SLC44A1: variants seen among roughly 807,000 people sequenced by gnomAD.
SLC44A1 encodes choline transporter-like protein 1.
In SLC44A1, 26 loss-of-function variants were observed where a neutral mutation model predicts 79.3. That is an observed-to-expected ratio of 0.33 (90% CI 0.24 to 0.46). The LOEUF (loss-of-function observed/expected upper bound fraction) is 0.46, where lower values mean the gene tolerates loss of function less well. Ranked by LOEUF, SLC44A1 falls within the 20% of genes least tolerant of loss-of-function variation. The pLI is 1.00. For synonymous variants in SLC44A1, 263 were observed against 286.2 expected (o/e 0.92, Z 0.82); for missense variants, 688 against 798.1 (o/e 0.86, Z 1.66).
At chr9:105,384,745 G>C (rs1828577626) in intron 14 of SLC44A1, among the ~76,000 whole-genome samples, 1 of 152,220 alleles carries the variant, frequency 6.6e-6, no homozygotes, top group Non-Finnish European at 1.5e-5. Context: ...CCACCCTTCA[G>C]TTTTCTCTGT....
intron 1 of SLC44A1, among the ~76,000 whole-genome samples, chr9:105,273,544 A>G (rs1395072335): frequency 6.6e-6 from 1 of 152,206 alleles, no homozygotes; most frequent in Non-Finnish European, 1.5e-5. Context: ...TAAACTCAGG[A>G]TGCTGGGCTC....
At chr9:105,258,877 T>TG (rs1371418607) in intron 1 of SLC44A1, among the ~76,000 whole-genome samples, 4 of 151,848 alleles carry the variant, frequency 2.6e-5, no homozygotes, top group Admixed American at 6.6e-5. Context: ...TTTTTGTTTT[T>TG]TTTTTTTGGT....
chr9:105,265,589 A>G (rs1349960191), intron 1 of SLC44A1, among the ~76,000 whole-genome samples: 1 of 152,198 alleles, frequency 6.6e-6, no homozygotes, highest in Admixed American at 6.5e-5. Context: ...TCCTGTGAAC[A>G]CTTCTATGCA....
downstream of SLC44A1, among the ~76,000 whole-genome samples, chr9:105,400,639 C>T (rs532137809): frequency 6.6e-6 from 1 of 152,204 alleles, no homozygotes; most frequent in South Asian, 2.1e-4. Flanking sequence ...ATAATGTAAC[C>T]TCCCGAAAGT....
At chr9:105,431,061 A>G (rs142024568) in intron 15 of SLC44A1, among the ~76,000 whole-genome samples, 1 of 152,290 alleles carries the variant, frequency 6.6e-6, no homozygotes, top group East Asian at 1.9e-4. Context: ...GATGAAGTCA[A>G]ATTATCTGTC....
intron 4 of SLC44A1, 21 bp downstream of exon 4, chr9:105,335,720 A>G (rs750233147): frequency 1.2e-6 from 2 of 1,606,992 alleles, no homozygotes; most frequent in Non-Finnish European, 1.7e-6. Flanking sequence ...AGGCCATCCA[A>G]ATCTATGTCC....
intron 3 of SLC44A1, among the ~76,000 whole-genome samples, chr9:105,329,358 G>T (rs1826679987): frequency 6.6e-6 from 1 of 152,286 alleles, no homozygotes; most frequent in African/African-American, 2.4e-5. Context: ...CTTCCATCCT[G>T]ATTGGAGAGG....
chr9:105,375,216 T>C (rs539093677), intron 13 of SLC44A1, among the ~76,000 whole-genome samples: 14 of 152,314 alleles, frequency 9.2e-5, no homozygotes, highest in Middle Eastern at 3.4e-3. Context: ...ATTTTTGTAT[T>C]ATTAGTAGAG....
At chr9:105,380,977 A>T (rs1414544494) in intron 13 of SLC44A1, among the ~76,000 whole-genome samples, 2 of 152,220 alleles carry the variant, frequency 1.3e-5, no homozygotes, top group African/African-American at 4.8e-5. Flanking sequence ...TAACTACTAC[A>T]TTTTTTTGGC....
chr9:105,358,817 G>A (rs556440806), intron 7 of SLC44A1, among the ~76,000 whole-genome samples: 2 of 151,924 alleles, frequency 1.3e-5, no homozygotes, highest in Non-Finnish European at 1.5e-5. Flanking sequence ...TTTGCTACAC[G>A]AACTATGTTT....
chr9:105,366,963 T>C (rs947269168), intron 12 of SLC44A1, among the ~76,000 whole-genome samples: 2 of 151,820 alleles, frequency 1.3e-5, no homozygotes, highest in African/African-American at 4.9e-5. Flanking sequence ...ACCCAACTGC[T>C]AAACACTATG....
chr9:105,307,260 G>A (rs1831056636), intron 2 of SLC44A1, among the ~76,000 whole-genome samples: 1 of 152,208 alleles, frequency 6.6e-6, no homozygotes, highest in Admixed American at 6.5e-5. Flanking sequence ...AAATTACACA[G>A]CTAGTAATTG....
At chr9:105,269,908 A>T (rs1830040750) in intron 1 of SLC44A1, among the ~76,000 whole-genome samples, 1 of 152,214 alleles carries the variant, frequency 6.6e-6, no homozygotes, top group South Asian at 2.1e-4. Flanking sequence ...CACTGGTAAC[A>T]TGTAGAAGAC....
At chr9:105,422,050 G>A (rs1224032617) in intron 15 of SLC44A1, among the ~76,000 whole-genome samples, 3 of 152,140 alleles carry the variant, frequency 2.0e-5, no homozygotes, top group South Asian at 2.1e-4. Flanking sequence ...AGGTGACAGC[G>A]TTAGGTTGGA....
chr9:105,403,879 C>T lies in SLC44A1; in HGVS notation c.1950+18377C>T, dbSNP rs117827556. ...GGAGCGGTCAGTAGGGATCAGATCT[C>T]GAGGGTCTTGCAGGCCACCCTAACG... On this transcript the variant is annotated intron_variant, in intron 15 of 15. Coordinates refer to the SLC44A1 transcript ENST00000374724. Among the ~76,000 whole-genome samples the T allele has an allele frequency of 7.8e-3, 1,181 of 151,152 alleles. 13 individuals carry two copies. Among genetic ancestry groups the T allele is most frequent in the Non-Finnish European group, 9.8e-3 (662 of 67,838 alleles).
chr9:105,428,449 G>C (rs1037576326), intron 15 of SLC44A1, among the ~76,000 whole-genome samples: 1 of 152,096 alleles, frequency 6.6e-6, no homozygotes, highest in African/African-American at 2.4e-5. Context: ...AAGAAGTATA[G>C]TTGTTCAGAG....
intron 15 of SLC44A1, among the ~76,000 whole-genome samples, chr9:105,420,962 A>G (rs1422936906): frequency 6.6e-6 from 1 of 151,988 alleles, no homozygotes; most frequent in Non-Finnish European, 1.5e-5. Flanking sequence ...GAGTCCATTC[A>G]GAAAGACACA....
At chr9:105,306,276 G>A (rs76025089) in intron 2 of SLC44A1, among the ~76,000 whole-genome samples, 1,899 of 152,092 alleles carry the variant, frequency 0.012, 13 homozygotes, top group Non-Finnish European at 0.019. Flanking sequence ...TCCTTCTGTT[G>A]AATGCCTTTT....
intron 1 of SLC44A1, among the ~76,000 whole-genome samples, chr9:105,259,624 T>C (rs1829795939): frequency 6.6e-6 from 1 of 152,328 alleles, no homozygotes; most frequent in South Asian, 2.1e-4. Flanking sequence ...CAAATCTATT[T>C]TGCATGTGGT....
Sources: allele counts gnomAD v4.1 joint callset (sites outside exome capture counted in the v4.1 genomes callset), GRCh38; gene constraint gnomAD v4.1.1; transcripts MANE v1.5; gene names NCBI Gene and HGNC (gene_info 2026-07-23, HGNC 2026-07-21).